TLE2: variants seen among roughly 807,000 people sequenced by gnomAD.
TLE2 encodes the protein TLE family member 2, transcriptional corepressor, also known as transducin-like enhancer protein 2.
Under a neutral mutation model 97.2 loss-of-function variants are expected in TLE2, and 74 were observed. That is an observed-to-expected ratio of 0.76 (90% CI 0.63 to 0.92). TLE2 has a LOEUF of 0.92. Ranked by LOEUF, TLE2 falls within the 40% of genes least tolerant of loss-of-function variation. The probability of loss-of-function intolerance (pLI) is 0.00; values close to 1 mark genes in which losing one functional copy is unlikely to be tolerated. For missense variants in TLE2, 1,038 were observed against 1,008.7 expected, an observed-to-expected ratio of 1.03 and a Z score of -0.39; for synonymous variants, 499 against 432.1, an observed-to-expected ratio of 1.15 and a Z score of -1.92.
At chr19:3,033,376 T>C (rs185443956), upstream of TLE2, among the ~76,000 whole-genome samples, 1,340 of 151,892 alleles carry the variant, frequency 8.8e-3, 24 homozygotes, top group African/African-American at 0.028. Flanking sequence ...ACCATGTTAG[T>C]CAGGATGGTC....
chr19:3,033,360 G>C (rs921577916), upstream of TLE2, among the ~76,000 whole-genome samples: 3 of 152,094 alleles, frequency 2.0e-5, no homozygotes, highest in East Asian at 3.9e-4. Flanking sequence ...GTAAAGACAG[G>C]GTTTCACCAT....
chr19:3,010,166 C>G (rs2089564477), intron 12 of TLE2, among the ~76,000 whole-genome samples: 1 of 151,754 alleles, frequency 6.6e-6, no homozygotes, highest in African/African-American at 2.4e-5. Flanking sequence ...GAGTTCAAGA[C>G]CAGCCTGACC....
Position 3,005,671 on chromosome 19 carries a change from C to G in TLE2, c.1748+50G>C. The G allele has an allele frequency of 2.5e-6, 4 of 1,606,716 alleles. No homozygotes were observed. In the South Asian group the frequency reaches 4.4e-5, roughly 18 times the overall value. ...GTCACACTCCTCCACTCCCCCTGCA[C>G]CGAGAGCGGCCGGGGGCTTGCCCAA... On this transcript the variant is annotated intron_variant, in intron 16 of 19. Transcript: ENST00000262953.
intron 10 of TLE2, among the ~76,000 whole-genome samples, chr19:3,014,309 A>G (rs1473729701): frequency 1.3e-5 from 2 of 152,128 alleles, no homozygotes; most frequent in Non-Finnish European, 2.9e-5. Context: ...CATTGAACAG[A>G]TGGGGAAAAG....
intron 15 of TLE2, 152 bp from the exon 16 acceptor site, chr19:3,006,120 T>C (rs2089470518): frequency 3.8e-6 from 4 of 1,040,772 alleles, no homozygotes; most frequent in Admixed American, 1.7e-5. Flanking sequence ...CCCCGCCCCT[T>C]TGACCTGCAA....
Position 3,019,147 on chromosome 19 carries a change from C to T in TLE2, c.550+136G>A. The T allele has an allele frequency of 7.7e-7, 1 of 1,294,040 alleles. No homozygotes were observed. Among genetic ancestry groups the T allele is most frequent in the Non-Finnish European group, 1.1e-6 (1 of 952,124 alleles). 80.2% of individuals were successfully genotyped at this position (1,294,040 alleles called of 1,614,324 possible). A position where few individuals can be genotyped will look rare whatever the true frequency, so the allele number is the denominator to read the frequency against. ...TCCTGGGCTCAAGCGATCCTCCCGCCTCGGCCTCCCAAATTGTTGGGATTA... is the reference window on the plus strand; with the variant it reads ...TCCTGGGCTCAAGCGATCCTCCCGCTTCGGCCTCCCAAATTGTTGGGATTA... On this transcript the variant is annotated intron_variant, in intron 7 of 19. Coordinates refer to ENST00000262953, the MANE Select transcript of TLE2 (RefSeq NM_003260.5). This position sits in a 1 kb window ranked among gnomAD's most constrained non-coding sequence, Gnocchi z 5.1.
At chr19:3,033,476 AT>A (rs2090041592), upstream of TLE2, among the ~76,000 whole-genome samples, 1 of 151,718 alleles carries the variant, frequency 6.6e-6, no homozygotes, top group African/African-American at 2.4e-5. Flanking sequence ...TAATTTTTGT[AT>A]TTTTAGTAGA....
At chr19:3,039,042 T>TA (rs1221240688) in intron 1 of TLE2, among the ~76,000 whole-genome samples, 1 of 111,256 alleles carries the variant, frequency 9.0e-6, no homozygotes, top group Non-Finnish European at 1.7e-5. Flanking sequence ...AAACCACGAC[T>TA]CAAAAAAAAA....
rs544610908 is a variant in TLE2 at position 3,010,220 on chromosome 19, T to C, written c.1013-518A>G. Among the ~76,000 whole-genome samples the C allele has an allele frequency of 2.8e-3, 420 of 151,812 alleles. 5 individuals carry two copies. The South Asian group carries it at 0.029, about 10-fold the overall frequency. Reference sequence around the variant, plus strand: ...CTCTACTAAAAATACAAAAATTAGCTGGGCATGGTGGTGCATGCCCGTAAT... The same window carrying C: ...CTCTACTAAAAATACAAAAATTAGCCGGGCATGGTGGTGCATGCCCGTAAT... On this transcript the variant is annotated intron_variant, in intron 12 of 19. Coordinates refer to ENST00000262953, the MANE Select transcript of TLE2 (RefSeq NM_003260.5).
chr19:3,034,686 T>TACACAC (rs138945358), intron 1 of TLE2, among the ~76,000 whole-genome samples: 1 of 149,954 alleles, frequency 6.7e-6, no homozygotes, highest in Non-Finnish European at 1.5e-5. Flanking sequence ...CATACGCGCG[T>TACACAC]ACACACACAC....
intron 19 of TLE2, 136 bp from the exon 20 acceptor site, chr19:2,998,091 A>T: frequency 1.6e-6 from 1 of 638,452 alleles, no homozygotes; most frequent in Non-Finnish European, 2.8e-6. Context: ...TTTTTTTGAG[A>T]TGGAGTTTTG....
chr19:3,035,004 C>A (rs1162851219), intron 1 of TLE2, among the ~76,000 whole-genome samples: 2 of 152,298 alleles, frequency 1.3e-5, no homozygotes, highest in African/African-American at 4.8e-5. Context: ...CTTTACCCAG[C>A]AGTCTTCAGA....
At chr19:3,012,567 G>A (rs1247667994) in intron 11 of TLE2, among the ~76,000 whole-genome samples, 2 of 152,154 alleles carry the variant, frequency 1.3e-5, no homozygotes, top group African/African-American at 2.4e-5. Context: ...GGATGGGCTC[G>A]TGGAGAGGCA....
intron 13 of TLE2, 46 bp from the exon 14 acceptor site, chr19:3,008,991 C>A (rs77281807): frequency 0.029 from 43,228 of 1,488,908 alleles, 951 homozygotes; most frequent in African/African-American, 0.11. Flanking sequence ...TGACTCCAAC[C>A]CACCTCTGTG....
chr19:3,019,424 G>A lies in TLE2; in HGVS notation c.409C>T (p.Pro137Ser). Residue 137 changes from proline to serine, a missense_variant, in exon 7 of 20, where the codon CCC becomes TCC. By Grantham distance (74) the Pro-to-Ser change is moderately conservative. Coordinates refer to ENST00000262953, the MANE Select transcript of TLE2 (RefSeq NM_003260.5). The surrounding 1 kb of genome is among the most constrained non-coding windows in gnomAD (Gnocchi z 5.1). ...QPLSHHAPPV[P>S]LTPRPAGLVG... ...AGCCCGGCTGGGCGGGGGGTGAGGGGCACAGGGGGTGCGTGGTGGGACAGC... is the reference window on the plus strand; with the variant it reads ...AGCCCGGCTGGGCGGGGGGTGAGGGACACAGGGGGTGCGTGGTGGGACAGC... The A allele has an allele frequency of 6.5e-7, 1 of 1,536,434 alleles. No homozygotes were observed. The highest frequency in any genetic ancestry group is 2.4e-5 in the East Asian group (1 of 41,036).
intron 1 of TLE2, among the ~76,000 whole-genome samples, chr19:3,040,307 T>C (rs1237598253): frequency 6.6e-6 from 1 of 152,076 alleles, no homozygotes; most frequent in Non-Finnish European, 1.5e-5. Context: ...AACAAACCCC[T>C]GGCCGCATGG....
In TLE2 at chr19:3,009,589, G is replaced by C. The variant is rs1463066642; in HGVS notation, c.1126C>G (p.Leu376Val). Reference protein sequence around the residue: ...SVPSSYVSLHLSPQVSSSVVY... With the variant: ...SVPSSYVSLHVSPQVSSSVVY... ...ACAGAGCTGCTGACCTGGGGGGACAGGTGGAGGCTGACGTAGGAGCTGGGC... is the reference window on the plus strand; with the variant it reads ...ACAGAGCTGCTGACCTGGGGGGACACGTGGAGGCTGACGTAGGAGCTGGGC... The change falls in exon 13 of 20, where the codon CTG (leucine) becomes GTG (valine). Residue 376 changes from leucine to valine, a missense_variant. By Grantham distance (32) the Leu-to-Val change is conservative (BLOSUM62 1). Coordinates refer to ENST00000262953, the MANE Select transcript of TLE2 (RefSeq NM_003260.5). 6.2e-7 allele frequency: 1 copy of C among 1,613,400 alleles called. No individual in the cohort carries two copies. Among genetic ancestry groups the C allele is most frequent in the African/African-American group, 1.3e-5 (1 of 74,918 alleles).
At chr19:3,004,873 G>C (rs980888523) in intron 17 of TLE2, among the ~76,000 whole-genome samples, 1 of 152,118 alleles carries the variant, frequency 6.6e-6, no homozygotes, top group Non-Finnish European at 1.5e-5. Flanking sequence ...CCAAAGCAGT[G>C]AGAGGCAGGA....
At chr19:3,010,960 T>G (rs2145146778) in intron 12 of TLE2, 62 bp downstream of exon 12, 1 of 1,541,872 alleles carries the variant, frequency 6.5e-7, no homozygotes, top group East Asian at 2.4e-5. Context: ...CCAGCCCCTT[T>G]TCCTAGATCT....
Sources: gnomAD v4.1 joint callset for allele counts (sites outside exome capture counted in the v4.1 genomes callset) on GRCh38, gnomAD v4.1.1 for gene constraint, Gnocchi (gnomAD v3.1) non-coding constraint, MANE v1.5 for transcripts, NCBI Gene and HGNC (gene_info 2026-07-23, HGNC 2026-07-21) for gene names.